Variants in MAD1L1 observed in about 807,000 individuals in gnomAD.
The protein encoded by MAD1L1 is mitotic spindle assembly checkpoint protein MAD1.
MAD1L1 carries 95 observed loss-of-function variants against 96.9 expected under a neutral mutation model. The observed-to-expected ratio is 0.98, with a 90% CI of 0.83 to 1.16. The LOEUF is 1.16. Among genes scored for constraint, MAD1L1 ranks in the 50% most tolerant of loss-of-function variants. The pLI is 0.00. For missense variants in MAD1L1, 1,007 were observed against 954.4 expected (o/e 1.06, Z -0.73); for synonymous variants, 473 against 396.6 (o/e 1.19, Z -2.29).
chr7:2,143,888 G>A (rs906094716), intron 11 of MAD1L1, among the ~76,000 whole-genome samples: 4 of 152,300 alleles, frequency 2.6e-5, no homozygotes, highest in East Asian at 3.9e-4. Flanking sequence ...CTGCATCCAC[G>A]GCCCTCAGGG....
rs561062312 is a variant in MAD1L1, at chr7:2,016,504, C to T, written c.1219-1862G>A. Among the ~76,000 whole-genome samples, 7 of 152,338 alleles carry T rather than the reference C, an allele frequency of 4.6e-5. No homozygotes were observed. The South Asian group carries it at 8.3e-4, about 18-fold the overall frequency. On this transcript the variant is annotated intron_variant, in intron 12 of 18. Coordinates refer to ENST00000265854, the MANE Select transcript of MAD1L1 (RefSeq NM_001013836.2). ...ACAAGCTGAGCCCCCGCCCAGGCCC[C>T]GCCTGGCTCCTAGGAGAGACCGACC... is the stretch of plus-strand genomic sequence containing the variant.
rs142281387 is a variant in MAD1L1 at position 2,079,626 on chromosome 7, A to T, written c.1074-10288T>A. 424 of 470,884 alleles carry T rather than the reference A, an allele frequency of 9.0e-4. 3 individuals are homozygous for T. Among genetic ancestry groups the T allele is most frequent in the African/African-American group, 7.4e-3 (370 of 50,188 alleles). The allele number at this position is 470,884 out of a possible 1,614,324, so 29.2% of individuals were successfully genotyped here. A position where few individuals can be genotyped will look rare whatever the true frequency, so the allele number is the denominator to read the frequency against. On this transcript the variant is annotated intron_variant, in intron 11 of 18. Coordinates refer to ENST00000265854, the MANE Select transcript of MAD1L1 (RefSeq NM_001013836.2). ...ATCTGACCTTGAAATGTGAGAAGGA[A>T]AATTGCCCTTTGCAATTTCAATTCA...
chr7:1,978,687 C>T (rs1231228058), intron 15 of MAD1L1, among the ~76,000 whole-genome samples: 1 of 152,074 alleles, frequency 6.6e-6, no homozygotes. Context: ...CAGGGGGAGA[C>T]ATCCACTGTC....
intron 11 of MAD1L1, among the ~76,000 whole-genome samples, chr7:2,112,678 G>A (rs1190815190): frequency 1.3e-5 from 2 of 152,210 alleles, no homozygotes; most frequent in African/African-American, 2.4e-5. Context: ...CCAGTGTCAG[G>A]GTGTCCACCG....
intron 18 of MAD1L1, among the ~76,000 whole-genome samples, chr7:1,868,418 C>A (rs928349144): frequency 6.6e-6 from 1 of 152,300 alleles, no homozygotes; most frequent in South Asian, 2.1e-4. Context: ...CCGCGCCTCC[C>A]GGGCTGCGTG....
At chr7:2,139,400 T>G (rs923128995) in intron 11 of MAD1L1, among the ~76,000 whole-genome samples, 3 of 151,792 alleles carry the variant, frequency 2.0e-5, no homozygotes, top group African/African-American at 7.3e-5. Context: ...CACACTGAGA[T>G]GCCCCCCACC....
chr7:2,113,561 C>A (rs1391901957), intron 11 of MAD1L1, among the ~76,000 whole-genome samples: 1 of 152,124 alleles, frequency 6.6e-6, no homozygotes, highest in African/African-American at 2.4e-5. Context: ...GCCTGGGCAA[C>A]AGAGCGAGAC....
In MAD1L1 at chr7:2,219,451, G is replaced by A. The variant is rs1031968375; in HGVS notation, c.477C>T (p.Ile159=). 6.2e-7 allele frequency: 1 copy of A among 1,613,716 alleles called. No individual in the cohort carries two copies. Among genetic ancestry groups the A allele is most frequent in the Non-Finnish European group, 8.5e-7 (1 of 1,179,900 alleles). ...EDSLAQAGET[I]NALKGRISEL... Reference sequence around the variant, plus strand: ...CCGAGATCCTCCCCTTCAGTGCGTTGATGGTCTAAAAGTAGAGGGGACCAG... The same window carrying A: ...CCGAGATCCTCCCCTTCAGTGCGTTAATGGTCTAAAAGTAGAGGGGACCAG... The change falls in exon 6 of 19, where the codon ATC becomes ATT. Residue 159 remains isoleucine (I), a synonymous_variant. Coordinates refer to ENST00000265854, the MANE Select transcript of MAD1L1 (RefSeq NM_001013836.2).
At chr7:2,110,335 C>T (rs566873871) in intron 11 of MAD1L1, among the ~76,000 whole-genome samples, 1 of 152,332 alleles carries the variant, frequency 6.6e-6, no homozygotes, top group African/African-American at 2.4e-5. Context: ...CACAACCAAG[C>T]GAGCAGCTGC....
chr7:2,228,652 TAC>T (rs960002348), intron 3 of MAD1L1, among the ~76,000 whole-genome samples: 10 of 83,806 alleles, frequency 1.2e-4, no homozygotes, highest in South Asian at 6.9e-4. Context: ...ATTATATATA[TAC>T]ACACACACAT....
At chr7:1,870,866 G>A (rs1415864667) in intron 18 of MAD1L1, among the ~76,000 whole-genome samples, 4 of 126,040 alleles carry the variant, frequency 3.2e-5, no homozygotes, top group Admixed American at 8.4e-5. Flanking sequence ...CACCTGCCAC[G>A]CTGAACCTAA....
At chr7:1,851,318 C>A (rs1174119700) in intron 18 of MAD1L1, among the ~76,000 whole-genome samples, 1 of 152,162 alleles carries the variant, frequency 6.6e-6, no homozygotes, top group African/African-American at 2.4e-5. Flanking sequence ...GATGGCTGAG[C>A]CCATGGAGAA....
At chr7:1,893,384 T>A (rs1332720638) in intron 18 of MAD1L1, among the ~76,000 whole-genome samples, 4 of 152,238 alleles carry the variant, frequency 2.6e-5, no homozygotes, top group Non-Finnish European at 5.9e-5. Context: ...TGGAAACGGC[T>A]TCGGCTATTT....
intron 18 of MAD1L1, among the ~76,000 whole-genome samples, chr7:1,887,411 ATGTGTG>A (rs10678802): frequency 2.0e-5 from 3 of 146,736 alleles, no homozygotes; most frequent in African/African-American, 7.5e-5. Context: ...CTGCCTGTGC[ATGTGTG>A]TGTGTGCATG....
intron 14 of MAD1L1, among the ~76,000 whole-genome samples, chr7:1,993,679 T>C (rs929190643): frequency 1.3e-5 from 2 of 152,248 alleles, no homozygotes; most frequent in Non-Finnish European, 2.9e-5. Flanking sequence ...TCTTCTCAGC[T>C]ACTTTTTCTA....
At chr7:1,875,984 C>A (rs1456615354) in intron 18 of MAD1L1, among the ~76,000 whole-genome samples, 1 of 152,216 alleles carries the variant, frequency 6.6e-6, no homozygotes, top group Non-Finnish European at 1.5e-5. Flanking sequence ...GGAGGAGAGT[C>A]CTCCCCAGGG....
rs573256212 is a variant in MAD1L1, at chr7:1,821,354, G to A, written c.1999-5126C>T. Reference sequence around the variant, plus strand: ...TCTCCAGTCCCAGATGGTTTCACTAGAAAGTTTTACCGAACATTAAATATG... The same window carrying A: ...TCTCCAGTCCCAGATGGTTTCACTAAAAAGTTTTACCGAACATTAAATATG... On this transcript the variant is annotated intron_variant, in intron 18 of 18. Coordinates refer to ENST00000265854, the MANE Select transcript of MAD1L1 (RefSeq NM_001013836.2). 7.2e-5 allele frequency among the ~76,000 whole-genome samples: 11 copies of A among 152,196 alleles called. No individual in the cohort carries two copies. The South Asian group carries it at 1.9e-3, about 26-fold the overall frequency.
At chr7:1,834,225 A>T (rs1286646872) in intron 18 of MAD1L1, among the ~76,000 whole-genome samples, 1 of 152,236 alleles carries the variant, frequency 6.6e-6, no homozygotes, top group Admixed American at 6.5e-5. Context: ...CATTAAAAAA[A>T]AGAAGGTCTC....
At chr7:2,124,332 G>A (rs1788126153) in intron 11 of MAD1L1, among the ~76,000 whole-genome samples, 1 of 152,206 alleles carries the variant, frequency 6.6e-6, no homozygotes, top group African/African-American at 2.4e-5. Context: ...GCACAGACAC[G>A]GGGGTGTGGA....
Sources: allele counts gnomAD v4.1 joint callset (sites outside exome capture counted in the v4.1 genomes callset), GRCh38; gene constraint gnomAD v4.1.1; transcripts MANE v1.5; gene names NCBI Gene and HGNC (gene_info 2026-07-23, HGNC 2026-07-21).